USH2A: variants seen among roughly 807,000 people sequenced by gnomAD.
The protein encoded by USH2A is Usher syndrome 2A (autosomal recessive, mild).
Under a neutral mutation model 538.9 loss-of-function variants are expected in USH2A, and 443 were observed. That is an observed-to-expected ratio of 0.82 (90% CI 0.76 to 0.89). The LOEUF is 0.89. Among genes scored for constraint, USH2A ranks in the 40% least tolerant of loss-of-function variants. The pLI is 0.00. For synonymous variants in USH2A, 2,413 were observed against 2,273.5 expected, an observed-to-expected ratio of 1.06 and a Z score of -1.75; for missense variants, 6,633 against 6,324.8, an observed-to-expected ratio of 1.05 and a Z score of -1.65.
chr1:216,387,179 A>G (rs144204225), intron 3 of USH2A, among the ~76,000 whole-genome samples: 2 of 152,370 alleles, frequency 1.3e-5, no homozygotes, highest in East Asian at 3.9e-4. Context: ...TAGGCTGAAC[A>G]CTGGAAATAC....
intron 2 of USH2A, among the ~76,000 whole-genome samples, chr1:216,419,114 G>T (rs1387933356): frequency 6.6e-6 from 1 of 151,932 alleles, no homozygotes; most frequent in Non-Finnish European, 1.5e-5. Flanking sequence ...TCCATGGAAG[G>T]CTCTAAATTG....
At chr1:215,814,623 C>T (rs1662806518) in intron 48 of USH2A, among the ~76,000 whole-genome samples, 1 of 152,044 alleles carries the variant, frequency 6.6e-6, no homozygotes, top group Non-Finnish European at 1.5e-5. Flanking sequence ...CGCTCTCTCT[C>T]CCTCCTGCCA....
intron 9 of USH2A, among the ~76,000 whole-genome samples, chr1:216,300,061 T>C (rs879135579): frequency 6.6e-6 from 1 of 152,204 alleles, no homozygotes. Flanking sequence ...AAATTCTTGG[T>C]CCCATAATTG....
chr1:216,284,064 T>G (rs1203539645), intron 11 of USH2A, among the ~76,000 whole-genome samples: 1 of 152,190 alleles, frequency 6.6e-6, no homozygotes, highest in African/African-American at 2.4e-5. Context: ...CTCATTTCCT[T>G]GTATCTCTCT....
intron 30 of USH2A, among the ~76,000 whole-genome samples, chr1:216,065,349 T>C (rs568919033): frequency 3.9e-5 from 6 of 152,336 alleles, no homozygotes; most frequent in African/African-American, 1.4e-4. Context: ...ATATGGTATA[T>C]CTAACATAAA....
At chr1:215,894,084 A>G (rs926642312) in intron 40 of USH2A, among the ~76,000 whole-genome samples, 1 of 152,142 alleles carries the variant, frequency 6.6e-6, no homozygotes, top group Non-Finnish European at 1.5e-5. Context: ...AGATACCTGA[A>G]TTACTGTTTG....
intron 22 of USH2A, among the ~76,000 whole-genome samples, chr1:216,093,154 G>T (rs999353675): frequency 2.0e-5 from 3 of 152,052 alleles, no homozygotes; most frequent in African/African-American, 7.2e-5. Flanking sequence ...TAGTAGAAAC[G>T]GGGTTTCACC....
intron 15 of USH2A, among the ~76,000 whole-genome samples, chr1:216,210,987 C>A (rs187333298): frequency 1.5e-3 from 179 of 118,404 alleles, no homozygotes; most frequent in Admixed American, 4.4e-3. Flanking sequence ...AAAACAACAA[C>A]AACAAAAAGG....
In USH2A at chr1:216,338,091, G is replaced by C. The variant is rs537328617; in HGVS notation, c.785-10437C>G. On this transcript the variant is annotated intron_variant, in intron 4 of 71. Coordinates refer to ENST00000307340, the MANE Select transcript of USH2A (RefSeq NM_206933.4). ...GCATAACAATATAAATTATCCCTAA[G>C]CTGTTGTATAAATTTAATTCAATTC... is the stretch of plus-strand genomic sequence containing the variant. Among the ~76,000 whole-genome samples the C allele has an allele frequency of 4.0e-5, 6 of 151,212 alleles. No homozygotes were observed. The East Asian group carries it at 1.2e-3, about 29-fold the overall frequency.
At chr1:216,091,539 C>T (rs1292677726) in intron 22 of USH2A, among the ~76,000 whole-genome samples, 2 of 152,128 alleles carry the variant, frequency 1.3e-5, no homozygotes. Flanking sequence ...AATATACAAA[C>T]ACATTTCCAA....
Position 216,078,102 on chromosome 1 carries a change from C to T in USH2A, c.5559G>A (p.Leu1853=). Residue 1853 remains leucine, a synonymous_variant, in exon 27 of 72, where the codon TTG becomes TTA. Transcript: ENST00000307340. ...GATGGAACTTACCTTGTTCCAAACA[C>T]AAATGTTGATAAGAGTTCAGCAGTT... ...PQELLNSYQH[L]CLEQGFGGCM... 1.2e-6 allele frequency: 2 copies of T among 1,613,604 alleles called. No homozygotes were observed. The highest frequency in any genetic ancestry group is 2.2e-5 in the South Asian group (2 of 91,076).
At chr1:215,861,113 T>G (rs1664301146) in intron 44 of USH2A, among the ~76,000 whole-genome samples, 1 of 152,180 alleles carries the variant, frequency 6.6e-6, no homozygotes. Context: ...CCTCCTTAGT[T>G]TTCCGAGCAG....
At chr1:216,031,817 T>G (rs1487682382) in intron 32 of USH2A, among the ~76,000 whole-genome samples, 1 of 152,168 alleles carries the variant, frequency 6.6e-6, no homozygotes, top group Non-Finnish European at 1.5e-5. Flanking sequence ...ATTAAACTCT[T>G]CCCTCTTTAA....
At chr1:216,133,455 C>T (rs2033418380) in intron 21 of USH2A, among the ~76,000 whole-genome samples, 1 of 152,020 alleles carries the variant, frequency 6.6e-6, no homozygotes, top group South Asian at 2.1e-4. Flanking sequence ...GAGAGGGGTT[C>T]ATGGTAGAAC....
chr1:215,673,408 C>T (rs1290784114), intron 63 of USH2A, among the ~76,000 whole-genome samples: 1 of 152,168 alleles, frequency 6.6e-6, no homozygotes, highest in African/African-American at 2.4e-5. Flanking sequence ...TTACCCTTCT[C>T]TCTGGGGATG....
chr1:215,903,173 A>G (rs1346077544), intron 38 of USH2A, among the ~76,000 whole-genome samples: 1 of 152,078 alleles, frequency 6.6e-6, no homozygotes, highest in Non-Finnish European at 1.5e-5. Flanking sequence ...AGCTGTATCA[A>G]CTCGGCTGAG....
chr1:216,221,575 G>A (rs922960441), intron 14 of USH2A, among the ~76,000 whole-genome samples: 5 of 152,144 alleles, frequency 3.3e-5, no homozygotes, highest in African/African-American at 9.7e-5. Flanking sequence ...AAAGGGAGAC[G>A]TTAACAGTGT....
chr1:216,053,426 CTT>C (rs2030864237), intron 30 of USH2A, among the ~76,000 whole-genome samples: 1 of 141,798 alleles, frequency 7.1e-6, no homozygotes, highest in Admixed American at 7.0e-5. Flanking sequence ...TTGTGAATCT[CTT>C]TGTTTGGGAC....
At chr1:215,663,754 T>C (rs1254958123) in intron 64 of USH2A, among the ~76,000 whole-genome samples, 1 of 152,196 alleles carries the variant, frequency 6.6e-6, no homozygotes, top group African/African-American at 2.4e-5. Context: ...ATAATCATTA[T>C]TGTTATATGG....
Sources: gnomAD v4.1 joint callset for allele counts (sites outside exome capture counted in the v4.1 genomes callset) on GRCh38, gnomAD v4.1.1 for gene constraint, MANE v1.5 for transcripts, NCBI Gene and HGNC (gene_info 2026-07-23, HGNC 2026-07-21) for gene names.